Variants in MAGI2 observed in about 807,000 individuals in gnomAD.
MAGI2 encodes membrane-associated guanylate kinase, WW and PDZ domain-containing protein 2.
Under a neutral mutation model 133.3 loss-of-function variants are expected in MAGI2, and 35 were observed. The observed-to-expected ratio is 0.26, with a 90% CI of 0.20 to 0.35. MAGI2 has a LOEUF of 0.35. Among genes scored for constraint, MAGI2 ranks in the 10% least tolerant of loss-of-function variants. The pLI is 1.00. For synonymous variants in MAGI2, 729 were observed against 710.6 expected, an observed-to-expected ratio of 1.03 and a Z score of -0.41; for missense variants, 1,636 against 1,863.4, an observed-to-expected ratio of 0.88 and a Z score of 2.25.
intron 3 of MAGI2, among the ~76,000 whole-genome samples, chr7:78,586,774 T>C (rs563435438): frequency 6.6e-5 from 10 of 152,206 alleles, no homozygotes; most frequent in Non-Finnish European, 8.8e-5. Flanking sequence ...TTCTATATTC[T>C]GTCTATGAAT....
Position 78,511,724 on chromosome 7 carries a change from T to C in MAGI2, c.754+9706A>G, listed in dbSNP as rs945234222. ...GAGATTTTTCTATGCAAATTGATTA[T>C]TGACTTTTAGTCAGTTTTTGACTCT... On this transcript the variant is annotated intron_variant, in intron 4 of 21. Transcript: ENST00000354212. Among the ~76,000 whole-genome samples, 10 of 151,082 alleles carry C rather than the reference T, an allele frequency of 6.6e-5. No homozygotes were observed. The South Asian group carries it at 1.7e-3, about 25-fold the overall frequency.
At chr7:79,377,116 C>T (rs1019266495) in intron 1 of MAGI2, among the ~76,000 whole-genome samples, 2 of 151,840 alleles carry the variant, frequency 1.3e-5, no homozygotes, top group Non-Finnish European at 2.9e-5. Flanking sequence ...TAAAAGTACA[C>T]TTCTTCATAA....
At chr7:78,791,907 C>A (rs1033527718) in intron 2 of MAGI2, among the ~76,000 whole-genome samples, 2 of 152,066 alleles carry the variant, frequency 1.3e-5, no homozygotes, top group Admixed American at 6.5e-5. Context: ...TTATGGAGAA[C>A]CCTCAAAGTA....
intron 2 of MAGI2, among the ~76,000 whole-genome samples, chr7:78,923,118 A>G (rs1036901199): frequency 2.4e-4 from 36 of 152,116 alleles, no homozygotes; most frequent in South Asian, 2.1e-4. Flanking sequence ...AGTAGGTTGC[A>G]AAAATTTTCT....
chr7:78,596,176 AAGGAAGGG>A (rs1304473680), intron 3 of MAGI2, among the ~76,000 whole-genome samples: 27 of 54,916 alleles, frequency 4.9e-4, no homozygotes, highest in Admixed American at 4.9e-3. Flanking sequence ...GGAAGAAATG[AAGGAAGGG>A]AGGGAGGGAG....
chr7:78,403,893 C>T (rs1366792738), intron 6 of MAGI2, among the ~76,000 whole-genome samples: 2 of 152,134 alleles, frequency 1.3e-5, no homozygotes, highest in Non-Finnish European at 2.9e-5. Context: ...TTGCAGATGA[C>T]ATGATTGTGT....
At chr7:79,119,626 T>C (rs1196155570) in intron 1 of MAGI2, among the ~76,000 whole-genome samples, 2 of 152,096 alleles carry the variant, frequency 1.3e-5, no homozygotes, top group South Asian at 2.1e-4. Flanking sequence ...TTTATCTCCA[T>C]ATAAAGGAGG....
At chr7:79,402,557 C>T (rs537454020) in intron 1 of MAGI2, among the ~76,000 whole-genome samples, 1 of 152,212 alleles carries the variant, frequency 6.6e-6, no homozygotes, top group African/African-American at 2.4e-5. Flanking sequence ...CAGCCATTGG[C>T]AAAATTAGGA....
intron 10 of MAGI2, among the ~76,000 whole-genome samples, chr7:78,245,049 C>G (rs1401074674): frequency 4.6e-5 from 7 of 152,052 alleles, no homozygotes; most frequent in African/African-American, 1.7e-4. Flanking sequence ...TATAATAACA[C>G]AAATCAAAGG....
At chr7:78,641,061 A>G (rs921536802) in intron 2 of MAGI2, among the ~76,000 whole-genome samples, 3 of 152,104 alleles carry the variant, frequency 2.0e-5, no homozygotes, top group Non-Finnish European at 4.4e-5. Flanking sequence ...CTGGTCACTC[A>G]TTATTCTCCT....
chr7:78,161,589 G>T (rs1824980169), intron 15 of MAGI2, among the ~76,000 whole-genome samples: 2 of 143,080 alleles, frequency 1.4e-5, no homozygotes, highest in South Asian at 2.2e-4. Flanking sequence ...AACCTTACAA[G>T]CTGCAATTCC....
chr7:78,125,877 G>T (rs777969251), intron 19 of MAGI2, 40 bp from the exon 20 acceptor site: 15 of 1,597,706 alleles, frequency 9.4e-6, no homozygotes, highest in Non-Finnish European at 1.3e-5. Flanking sequence ...TAATTATTTA[G>T]TTATCAGAGA....
chr7:78,124,978 C>G (rs922052600), intron 20 of MAGI2, among the ~76,000 whole-genome samples: 1 of 151,952 alleles, frequency 6.6e-6, no homozygotes, highest in Admixed American at 6.6e-5. Context: ...ATTCTCCTGC[C>G]TCAGCCTCCT....
intron 6 of MAGI2, among the ~76,000 whole-genome samples, chr7:78,447,176 A>G (rs546062083): frequency 2.0e-5 from 3 of 152,028 alleles, no homozygotes; most frequent in Non-Finnish European, 4.4e-5. Context: ...GTTTTTATTT[A>G]TTTACTTAGA....
At chr7:78,194,592 A>C (rs1563243759) in intron 12 of MAGI2, among the ~76,000 whole-genome samples, 3 of 152,196 alleles carry the variant, frequency 2.0e-5, no homozygotes, top group Non-Finnish European at 4.4e-5. Flanking sequence ...CCTAAACAAA[A>C]CCAGCAACCT....
chr7:79,249,358 T>G (rs115528617), intron 1 of MAGI2, among the ~76,000 whole-genome samples: 1,901 of 152,088 alleles, frequency 0.012, 38 homozygotes, highest in African/African-American at 0.043. Flanking sequence ...TAAGTTTGTT[T>G]TTTGAAAAGA....
intron 9 of MAGI2, among the ~76,000 whole-genome samples, chr7:78,269,662 G>T (rs1284616433): frequency 1.3e-5 from 2 of 151,294 alleles, no homozygotes; most frequent in African/African-American, 4.8e-5. Context: ...GTTTAAGTCT[G>T]GATATTAGCC....
In MAGI2 at chr7:78,804,367, C is replaced by T. The variant is rs541920706; in HGVS notation, c.419-177128G>A. On this transcript the variant is annotated intron_variant, in intron 2 of 21. Coordinates refer to ENST00000354212, the MANE Select transcript of MAGI2 (RefSeq NM_012301.4). ...ACTTTTCATTGGTACTATAAAAATA[C>T]GGAGAATTATTTCTAACTGTATTTA... Among the ~76,000 whole-genome samples the T allele has an allele frequency of 1.3e-4, 19 of 151,114 alleles. No homozygotes were observed. In the South Asian group the frequency reaches 2.9e-3, roughly 23 times the overall value.
intron 1 of MAGI2, among the ~76,000 whole-genome samples, chr7:79,309,266 A>C (rs1027450855): frequency 2.0e-5 from 3 of 151,968 alleles, no homozygotes; most frequent in Non-Finnish European, 4.4e-5. Flanking sequence ...AAGAAGAATA[A>C]AAGGCAATAC....
Sources: gnomAD v4.1 joint callset for allele counts (sites outside exome capture counted in the v4.1 genomes callset) on GRCh38, gnomAD v4.1.1 for gene constraint, MANE v1.5 for transcripts, NCBI Gene and HGNC (gene_info 2026-07-23, HGNC 2026-07-21) for gene names.